The following B3GAT2 variants were observed in gnomAD, a reference collection of about 807,000 sequenced individuals.
The protein encoded by B3GAT2 is galactosylgalactosylxylosylprotein 3-beta-glucuronosyltransferase 2.
B3GAT2 carries 26 observed loss-of-function variants against 27.8 expected under a neutral mutation model. That is an observed-to-expected ratio of 0.93 (90% CI 0.68 to 1.30). The LOEUF is 1.30. Ranked by LOEUF, B3GAT2 falls within the 50% of genes most tolerant of loss-of-function variation. B3GAT2 has a pLI of 0.00. For synonymous variants in B3GAT2, 218 were observed against 195.1 expected (o/e 1.12, Z -0.98); for missense variants, 458 against 459.0 (o/e 1.00, Z 0.02).
intron 2 of B3GAT2, among the ~76,000 whole-genome samples, chr6:70,886,208 T>C (rs1772182814): frequency 1.3e-5 from 2 of 152,204 alleles, no homozygotes; most frequent in Admixed American, 6.5e-5. Flanking sequence ...AGACCATCTC[T>C]GTAGACACAC....
At chr6:70,866,058 G>C (rs1771845773) in intron 2 of B3GAT2, among the ~76,000 whole-genome samples, 1 of 152,190 alleles carries the variant, frequency 6.6e-6, no homozygotes, top group Non-Finnish European at 1.5e-5. Flanking sequence ...TCTGTAGACA[G>C]CTCTCCTCAA....
Position 70,955,877 on chromosome 6 carries a change from C to G in B3GAT2, c.553G>C (p.Asp185His). ...TCCAGACTATAGGTGTTGTCGTCGT[C>G]AGCGAAGAAGAGCACGCCGGGCTGC... Reference protein sequence around the residue: ...RAQPGVLFFADDDNTYSLELF... With the variant: ...RAQPGVLFFAHDDNTYSLELF... Residue 185 changes from aspartate to histidine, a missense_variant, in exon 1 of 4, where the codon GAC becomes CAC. Transcript: ENST00000230053. The G allele has an allele frequency of 6.2e-7, 1 of 1,605,724 alleles. No individual in the cohort carries two copies.
At chr6:70,929,078 G>C (rs984286497) in intron 1 of B3GAT2, among the ~76,000 whole-genome samples, 1 of 152,062 alleles carries the variant, frequency 6.6e-6, no homozygotes, top group Non-Finnish European at 1.5e-5. Context: ...GATGAAGCTG[G>C]AAACCATCAT....
At chr6:70,875,657 G>A (rs1329919089) in intron 2 of B3GAT2, among the ~76,000 whole-genome samples, 3 of 152,190 alleles carry the variant, frequency 2.0e-5, no homozygotes, top group Admixed American at 2.0e-4. Flanking sequence ...GAAGAAGAAT[G>A]AAAAAGCATG....
Position 70,857,832 on chromosome 6 carries a change from G to A in B3GAT2, c.*3831C>T, listed in dbSNP as rs996662478. ...GGAATTAAAATGTTTGCTGTGAGTA[G>A]TTCAGAAAGGCAATTTTTCTGTGAT... On this transcript the variant is annotated 3_prime_UTR_variant, in exon 4 of 4. Transcript: ENST00000230053. The A allele has an allele frequency of 2.1e-6, 3 of 1,442,836 alleles. No homozygotes were observed. The highest frequency in any genetic ancestry group is 2.8e-5 in the African/African-American group (2 of 71,254). 89.4% of individuals were successfully genotyped at this position (1,442,836 alleles called of 1,614,324 possible). A position where few individuals can be genotyped will look rare whatever the true frequency, so the allele number is the denominator to read the frequency against.
intron 1 of B3GAT2, 115 bp from the exon 2 acceptor site, chr6:70,894,387 G>T: frequency 8.3e-7 from 1 of 1,198,164 alleles, no homozygotes; most frequent in East Asian, 2.6e-5. Flanking sequence ...TTCAAAAGCT[G>T]AAGGTTTCAA....
intron 1 of B3GAT2, among the ~76,000 whole-genome samples, chr6:70,918,948 C>T (rs1177216999): frequency 2.6e-5 from 4 of 152,158 alleles, no homozygotes; most frequent in Admixed American, 6.5e-5. Flanking sequence ...GCCTGCCTTG[C>T]TAGGTTGGGG....
chr6:70,886,907 A>AC (rs775952253), intron 2 of B3GAT2, among the ~76,000 whole-genome samples: 1 of 151,354 alleles, frequency 6.6e-6, no homozygotes, highest in East Asian at 1.9e-4. Context: ...CAGAATTACC[A>AC]CCCCCTGGCA....
chr6:70,916,850 TA>T (rs1440556566), intron 1 of B3GAT2, among the ~76,000 whole-genome samples: 1 of 152,186 alleles, frequency 6.6e-6, no homozygotes, highest in African/African-American at 2.4e-5. Context: ...GATGTTGGCC[TA>T]AAATTATCTT....
chr6:70,939,262 G>A (rs1391532065), intron 1 of B3GAT2, among the ~76,000 whole-genome samples: 2 of 115,540 alleles, frequency 1.7e-5, no homozygotes, highest in African/African-American at 7.0e-5. Context: ...TGCTGGAGAG[G>A]ATGTGGAGAA....
intron 1 of B3GAT2, among the ~76,000 whole-genome samples, chr6:70,943,864 A>G (rs1400923468): frequency 6.6e-6 from 1 of 152,168 alleles, no homozygotes; most frequent in Admixed American, 6.6e-5. Flanking sequence ...GAAAGAATAC[A>G]TTTAGAAGAT....
chr6:70,937,411 C>A (rs985244430), intron 1 of B3GAT2, among the ~76,000 whole-genome samples: 6 of 151,896 alleles, frequency 4.0e-5, no homozygotes, highest in African/African-American at 1.5e-4. Context: ...ATGAGGCCAG[C>A]ATCATCCTGA....
At chr6:70,905,847 C>G (rs1772592255) in intron 1 of B3GAT2, among the ~76,000 whole-genome samples, 1 of 151,786 alleles carries the variant, frequency 6.6e-6, no homozygotes, top group Non-Finnish European at 1.5e-5. Flanking sequence ...AATACTTTTT[C>G]TTCTTAAAAA....
At chr6:70,883,299 T>C (rs1772127859) in intron 2 of B3GAT2, among the ~76,000 whole-genome samples, 1 of 152,134 alleles carries the variant, frequency 6.6e-6, no homozygotes, top group Non-Finnish European at 1.5e-5. Context: ...TTATTCACAG[T>C]AGCCAAAAGG....
intron 1 of B3GAT2, among the ~76,000 whole-genome samples, chr6:70,918,435 T>G (rs1426041013): frequency 1.3e-5 from 2 of 152,192 alleles, no homozygotes; most frequent in Non-Finnish European, 2.9e-5. Context: ...GATCCTGTCA[T>G]TATGATGTTA....
At chr6:70,896,198 G>C (rs1272553296) in intron 1 of B3GAT2, among the ~76,000 whole-genome samples, 2 of 147,602 alleles carry the variant, frequency 1.4e-5, no homozygotes, top group Non-Finnish European at 2.9e-5. Flanking sequence ...TGTGATCTCA[G>C]AGGGAGGGAG....
At chr6:70,933,715 C>T (rs752083759) in intron 1 of B3GAT2, among the ~76,000 whole-genome samples, 8 of 152,118 alleles carry the variant, frequency 5.3e-5, no homozygotes, top group Non-Finnish European at 1.2e-4. Flanking sequence ...ATCTGCATTC[C>T]CATCAGCCAA....
chr6:70,889,470 T>C (rs1257465239), intron 2 of B3GAT2, among the ~76,000 whole-genome samples: 2 of 152,060 alleles, frequency 1.3e-5, no homozygotes, highest in Non-Finnish European at 2.9e-5. Flanking sequence ...TAAGCCTCCA[T>C]TGAATAGAAA....
At chr6:70,898,954 C>T (rs963689908) in intron 1 of B3GAT2, among the ~76,000 whole-genome samples, 1 of 148,632 alleles carries the variant, frequency 6.7e-6, no homozygotes, top group Non-Finnish European at 1.5e-5. Context: ...TGAAGCAAGA[C>T]CCTGGCTCAA....
Sources: gnomAD v4.1 joint callset for allele counts (sites outside exome capture counted in the v4.1 genomes callset) on GRCh38, gnomAD v4.1.1 for gene constraint, MANE v1.5 for transcripts, NCBI Gene and HGNC (gene_info 2026-07-23, HGNC 2026-07-21) for gene names.